Variants in DIP2C observed in about 807,000 individuals in gnomAD.
The protein encoded by DIP2C is DIP2 acetate--CoA ligase C (putative).
In DIP2C, 33 loss-of-function variants were observed where a neutral mutation model predicts 192.4. The observed-to-expected ratio is 0.17, with a 90% CI of 0.13 to 0.23. The LOEUF (loss-of-function observed/expected upper bound fraction) is 0.23, where lower values mean the gene tolerates loss of function less well. Ranked by LOEUF, DIP2C falls within the 10% of genes least tolerant of loss-of-function variation. The probability of loss-of-function intolerance (pLI) is 1.00; values close to 1 mark genes in which losing one functional copy is unlikely to be tolerated. For missense variants in DIP2C, 1,537 were observed against 2,110.1 expected, an observed-to-expected ratio of 0.73 and a Z score of 5.32; for synonymous variants, 979 against 864.1, an observed-to-expected ratio of 1.13 and a Z score of -2.33.
chr10:596,755 G>C (rs1156539004), intron 1 of DIP2C, among the ~76,000 whole-genome samples: 1 of 152,156 alleles, frequency 6.6e-6, no homozygotes, highest in Non-Finnish European at 1.5e-5. Context: ...CGGCTCAAGC[G>C]TCTGAGAAAT....
At chr10:485,647 G>T (rs1039441214) in intron 2 of DIP2C, among the ~76,000 whole-genome samples, 12 of 152,210 alleles carry the variant, frequency 7.9e-5, no homozygotes, top group African/African-American at 2.9e-4. Context: ...ACAGAATCGG[G>T]GTTTGTGCAG....
intron 13 of DIP2C, 30 bp downstream of exon 13, chr10:389,961 G>T: frequency 6.3e-7 from 1 of 1,575,882 alleles, no homozygotes; most frequent in Non-Finnish European, 8.7e-7. Flanking sequence ...TAGAACCAGG[G>T]TCCCAAGGAG....
rs1190200905 is a variant in DIP2C at position 414,880 on chromosome 10, GTGTGTGTGTGTA to G, written c.860-782_860-771del. Among the ~76,000 whole-genome samples, 281 of 62,440 alleles carry G rather than the reference GTGTGTGTGTGTA, an allele frequency of 4.5e-3. 1 individual carries two copies. The highest frequency in any genetic ancestry group is 0.012 in the African/African-American group (239 of 19,216). 41.0% of individuals were successfully genotyped at this position (62,440 alleles called of 152,430 possible). ...TGTGTGTGTGTGTGTGTGTGTGTGT[GTGTGTGTGTGTA>G]TATATATATATATATTTTTTTTTTT... On this transcript the variant is annotated intron_variant, in intron 7 of 36. Coordinates refer to ENST00000280886, the MANE Select transcript of DIP2C (RefSeq NM_014974.3).
chr10:383,749 G>A (rs1454510069), intron 16 of DIP2C, among the ~76,000 whole-genome samples: 2 of 152,084 alleles, frequency 1.3e-5, no homozygotes, highest in African/African-American at 2.4e-5. Flanking sequence ...TTTCTCTACA[G>A]AATCAAGACA....
chr10:314,694 A>G (rs1162787047), intron 31 of DIP2C, among the ~76,000 whole-genome samples: 1 of 152,212 alleles, frequency 6.6e-6, no homozygotes, highest in African/African-American at 2.4e-5. Context: ...TAGACTAGGT[A>G]ACGGCTACTC....
intron 1 of DIP2C, among the ~76,000 whole-genome samples, chr10:580,079 TA>T (rs1850508599): frequency 6.6e-6 from 1 of 152,138 alleles, no homozygotes; most frequent in Non-Finnish European, 1.5e-5. Context: ...TACATGCATA[TA>T]GCATACACAT....
rs1564824734 is a variant in DIP2C at position 532,670 on chromosome 10, A to AGAGAGAGTATGGGTGT, written c.86-46156_86-46141dup. ...GGGTGTGAGAGAGAGTATGGGTGTGAGAGAGAGTATGGGTGTGAGAGAGTA... is the reference window on the plus strand; with the variant it reads ...GGGTGTGAGAGAGAGTATGGGTGTGAGAGAGAGTATGGGTGTGAGAGAGTATGGGTGTGAGAGAGTA... On this transcript the variant is annotated intron_variant, in intron 1 of 36. Coordinates refer to ENST00000280886, the MANE Select transcript of DIP2C (RefSeq NM_014974.3). 1.9e-3 allele frequency among the ~76,000 whole-genome samples: 112 copies of AGAGAGAGTATGGGTGT among 59,892 alleles called. 6 individuals carry two copies. Among genetic ancestry groups the AGAGAGAGTATGGGTGT allele is most frequent in the Middle Eastern group, 0.01 (1 of 98 alleles). The allele number at this position is 59,892 out of a possible 152,430, so 39.3% of individuals were successfully genotyped here. A position where few individuals can be genotyped will look rare whatever the true frequency, so the allele number is the denominator to read the frequency against.
chr10:622,593 G>C (rs956635713), intron 1 of DIP2C, among the ~76,000 whole-genome samples: 1 of 152,280 alleles, frequency 6.6e-6, no homozygotes, highest in African/African-American at 2.4e-5. Context: ...CAGGGACCTG[G>C]ACCTAAAGCA....
chr10:664,698 A>G (rs1248613658), intron 1 of DIP2C: 3 of 152,220 alleles, frequency 2.0e-5, no homozygotes, highest in Non-Finnish European at 2.9e-5. Flanking sequence ...TACTTTTTAC[A>G]TTTTAAAAAA....
intron 32 of DIP2C, among the ~76,000 whole-genome samples, chr10:293,798 G>A (rs138952648): frequency 9.2e-5 from 14 of 152,230 alleles, no homozygotes; most frequent in Non-Finnish European, 1.5e-4. Flanking sequence ...AAAAACAAAT[G>A]CACTATTATT....
intron 1 of DIP2C, among the ~76,000 whole-genome samples, chr10:623,761 G>A (rs1447734721): frequency 6.6e-6 from 1 of 150,720 alleles, no homozygotes; most frequent in Admixed American, 6.6e-5. Flanking sequence ...AAGGGGAAGA[G>A]GGGAGGGATG....
Position 546,835 on chromosome 10 carries a change from G to A in DIP2C, c.86-60305C>T, listed in dbSNP as rs530711358. 8.5e-5 allele frequency among the ~76,000 whole-genome samples: 13 copies of A among 152,256 alleles called. No homozygotes were observed. The East Asian group carries it at 2.5e-3, about 29-fold the overall frequency. On this transcript the variant is annotated intron_variant, in intron 1 of 36. Transcript: ENST00000280886. ...ATATCACCACTGATCACATGAGAAA[G>A]TGGCAGACACAAGATTTGTATATTT...
At chr10:602,845 G>A (rs61832971) in intron 1 of DIP2C, among the ~76,000 whole-genome samples, 10,053 of 152,198 alleles carry the variant, frequency 0.066, 810 homozygotes, top group African/African-American at 0.19. Context: ...GGCCATGGCA[G>A]GAAACTACAG....
intron 1 of DIP2C, among the ~76,000 whole-genome samples, chr10:592,910 T>C (rs1851485882): frequency 6.6e-6 from 1 of 152,236 alleles, no homozygotes; most frequent in African/African-American, 2.4e-5. Context: ...TGGAAACTTC[T>C]GTGCAAAATG....
At chr10:318,910 C>T (rs80146601) in intron 31 of DIP2C, among the ~76,000 whole-genome samples, 18 of 146,682 alleles carry the variant, frequency 1.2e-4, no homozygotes, top group Non-Finnish European at 2.1e-4. Context: ...CCACATTTTT[C>T]TTTTTTTTTT....
intron 32 of DIP2C, among the ~76,000 whole-genome samples, chr10:305,651 C>T (rs1956282467): frequency 6.6e-6 from 1 of 152,174 alleles, no homozygotes; most frequent in African/African-American, 2.4e-5. Flanking sequence ...TAAAACTGTT[C>T]CTTTTTCTTT....
At chr10:642,106 T>G (rs563140450) in intron 1 of DIP2C, among the ~76,000 whole-genome samples, 3 of 152,358 alleles carry the variant, frequency 2.0e-5, no homozygotes, top group South Asian at 4.1e-4. Flanking sequence ...TTTCCAGATA[T>G]GATGAAGGAA....
At chr10:562,240 T>C (rs568730797) in intron 1 of DIP2C, among the ~76,000 whole-genome samples, 2 of 152,188 alleles carry the variant, frequency 1.3e-5, no homozygotes, top group Non-Finnish European at 2.9e-5. Context: ...GTCAAAGGAT[T>C]TTCCCTGTTC....
At chr10:412,083 T>TA (rs1230934219) in intron 8 of DIP2C, among the ~76,000 whole-genome samples, 30 of 152,244 alleles carry the variant, frequency 2.0e-4, no homozygotes, top group Admixed American at 1.6e-3. Flanking sequence ...GTCTGTGTCT[T>TA]ACGTCTCCCA....
Sources: gnomAD v4.1 joint callset for allele counts (sites outside exome capture counted in the v4.1 genomes callset) on GRCh38, gnomAD v4.1.1 for gene constraint, MANE v1.5 for transcripts, NCBI Gene and HGNC (gene_info 2026-07-23, HGNC 2026-07-21) for gene names.